Variants in TBC1D19 observed in about 807,000 individuals in gnomAD.
The protein encoded by TBC1D19 is TBC1 domain family member 19.
Under a neutral mutation model 89.0 loss-of-function variants are expected in TBC1D19, and 60 were observed. The observed-to-expected ratio is 0.67, with a 90% CI of 0.55 to 0.84. The LOEUF (loss-of-function observed/expected upper bound fraction) is 0.84. TBC1D19 is among the 40% of genes least tolerant of loss of function. The pLI, the probability that TBC1D19 is intolerant of heterozygous loss-of-function variation, is 0.00. For synonymous variants in TBC1D19, 189 were observed against 199.7 expected, an observed-to-expected ratio of 0.95 and a Z score of 0.45; for missense variants, 500 against 610.8, an observed-to-expected ratio of 0.82 and a Z score of 1.91.
chr4:26,677,738 T>C (rs1049628425), intron 11 of TBC1D19, among the ~76,000 whole-genome samples: 3 of 152,186 alleles, frequency 2.0e-5, no homozygotes, highest in Non-Finnish European at 4.4e-5. Context: ...GTTCTCATGA[T>C]AGTGAGTGAG....
chr4:26,724,101 T>C (rs1717148039), intron 15 of TBC1D19, among the ~76,000 whole-genome samples: 1 of 152,162 alleles, frequency 6.6e-6, no homozygotes, highest in Non-Finnish European at 1.5e-5. Flanking sequence ...ACAGCATGTC[T>C]GAAGGCAGGA....
the TBC1D19 span, among the ~76,000 whole-genome samples, chr4:26,780,843 T>C: frequency 5.8e-4 from 88 of 152,168 alleles, no homozygotes; most frequent in Admixed American, 1.3e-4. Context: ...GACTAGCCAA[T>C]TGAGGACAAT....
chr4:26,734,344 G>A (rs1351114067), intron 15 of TBC1D19, among the ~76,000 whole-genome samples: 1 of 152,094 alleles, frequency 6.6e-6, no homozygotes, highest in Non-Finnish European at 1.5e-5. Flanking sequence ...TCTGAATAAA[G>A]CATTTCTATA....
At chr4:26,831,909 G>A in the TBC1D19 span, among the ~76,000 whole-genome samples, 6 of 152,012 alleles carry the variant, frequency 3.9e-5, no homozygotes, top group Admixed American at 1.3e-4. Flanking sequence ...CTTTCTTAAA[G>A]GTTTAAGGAT....
chr4:26,811,518 A>T, the TBC1D19 span, among the ~76,000 whole-genome samples: 2 of 152,236 alleles, frequency 1.3e-5, no homozygotes, highest in East Asian at 1.9e-4. Flanking sequence ...AGATAGTGTT[A>T]CCAGAAATCG....
chr4:26,827,717 G>GTTTTTTTTTTTTTT, the TBC1D19 span, among the ~76,000 whole-genome samples: 1 of 143,714 alleles, frequency 7.0e-6, no homozygotes, highest in Non-Finnish European at 1.5e-5. Context: ...TTTTTGTTTT[G>GTTTTTTTTTTTTTT]TTTTTTTTTT....
At chr4:26,846,338 A>C in the TBC1D19 span, among the ~76,000 whole-genome samples, 1 of 152,142 alleles carries the variant, frequency 6.6e-6, no homozygotes, top group South Asian at 2.1e-4. Flanking sequence ...AGGAGAAAAA[A>C]CTTATTGTCT....
intron 4 of TBC1D19, among the ~76,000 whole-genome samples, chr4:26,624,419 C>CA (rs1742258264): frequency 6.6e-6 from 1 of 152,056 alleles, no homozygotes; most frequent in Non-Finnish European, 1.5e-5. Context: ...CTTTATCACC[C>CA]AGGCTGGAGT....
the TBC1D19 span, among the ~76,000 whole-genome samples, chr4:26,817,890 C>T: frequency 1.3e-5 from 2 of 150,890 alleles, no homozygotes; most frequent in Admixed American, 1.3e-4. Context: ...ATCTCTTGAA[C>T]CCAGGAGGCA....
At chr4:26,764,899 G>T in the TBC1D19 span, among the ~76,000 whole-genome samples, 1 of 152,148 alleles carries the variant, frequency 6.6e-6, no homozygotes, top group Non-Finnish European at 1.5e-5. Context: ...TTGAAATTTT[G>T]GAGATGATGC....
chr4:26,703,367 C>G (rs1269033762), intron 13 of TBC1D19, among the ~76,000 whole-genome samples: 1 of 151,678 alleles, frequency 6.6e-6, no homozygotes, highest in African/African-American at 2.4e-5. Flanking sequence ...CTGTTTTTTC[C>G]TTTCAGAAAA....
At chr4:26,741,313 G>A (rs1021822108) in intron 17 of TBC1D19, among the ~76,000 whole-genome samples, 21 of 138,550 alleles carry the variant, frequency 1.5e-4, no homozygotes, top group Admixed American at 8.0e-5. Flanking sequence ...CCGAGATTGC[G>A]CCACTACAGT....
upstream of TBC1D19, among the ~76,000 whole-genome samples, chr4:26,581,289 T>C (rs1739058210): frequency 6.6e-6 from 1 of 152,196 alleles, no homozygotes; most frequent in Non-Finnish European, 1.5e-5. Context: ...ACATGTACCA[T>C]GGTGGTTTGC....
chr4:26,651,051 C>T (rs914915734), intron 7 of TBC1D19, among the ~76,000 whole-genome samples: 17 of 152,092 alleles, frequency 1.1e-4, no homozygotes, highest in Non-Finnish European at 1.9e-4. Flanking sequence ...TTTCTGAGGG[C>T]TCTGTTCTGT....
chr4:26,579,205 C>T (rs1395991646), upstream of TBC1D19, among the ~76,000 whole-genome samples: 2 of 152,176 alleles, frequency 1.3e-5, no homozygotes, highest in Non-Finnish European at 2.9e-5. Context: ...ATATCATTCA[C>T]AGGGGTTCAT....
chr4:26,672,500 G>A (rs1712408307), intron 10 of TBC1D19, among the ~76,000 whole-genome samples: 1 of 151,948 alleles, frequency 6.6e-6, no homozygotes, highest in Non-Finnish European at 1.5e-5. Context: ...AAATCAAAGA[G>A]GCAGGTTCTG....
At chr4:26,733,087 T>G (rs1717766828) in intron 15 of TBC1D19, among the ~76,000 whole-genome samples, 1 of 152,220 alleles carries the variant, frequency 6.6e-6, no homozygotes, top group Admixed American at 6.5e-5. Flanking sequence ...GCTAGAAGAC[T>G]AGAGAAAATG....
chr4:26,650,762 G>T (rs900974994), intron 7 of TBC1D19, among the ~76,000 whole-genome samples: 1 of 152,116 alleles, frequency 6.6e-6, no homozygotes, highest in African/African-American at 2.4e-5. Flanking sequence ...CATTGCTTTT[G>T]GCGTTTTAGA....
chr4:26,735,614 G>A, intron 16 of TBC1D19, 127 bp downstream of exon 16: 1 of 800,028 alleles, frequency 1.2e-6, no homozygotes, highest in South Asian at 2.7e-5. Flanking sequence ...AAAATAAAGT[G>A]AAATGCATGC....
Sources: allele counts gnomAD v4.1 joint callset (sites outside exome capture counted in the v4.1 genomes callset), GRCh38; gene constraint gnomAD v4.1.1; transcripts MANE v1.5; gene names NCBI Gene and HGNC (gene_info 2026-07-23, HGNC 2026-07-21).